The following SMYD3 variants were observed in gnomAD, a reference collection of about 807,000 sequenced individuals.
SMYD3 encodes the protein histone-lysine N-methyltransferase SMYD3.
A neutral mutation model predicts 57.7 loss-of-function variants in SMYD3; 36 were observed. The observed-to-expected ratio is 0.62, with a 90% CI of 0.48 to 0.82. The LOEUF is 0.82. SMYD3 is among the 40% of genes least tolerant of loss of function. The pLI, the probability that SMYD3 is intolerant of heterozygous loss-of-function variation, is 0.00. For missense variants in SMYD3, 515 were observed against 538.8 expected, an observed-to-expected ratio of 0.96 and a Z score of 0.44; for synonymous variants, 211 against 195.0, an observed-to-expected ratio of 1.08 and a Z score of -0.68.
intron 5 of SMYD3, among the ~76,000 whole-genome samples, chr1:246,021,347 C>CTTAGAGTTAATCTTCCTGTG (rs2059467832): frequency 6.6e-6 from 1 of 152,172 alleles, no homozygotes; most frequent in Non-Finnish European, 1.5e-5. Flanking sequence ...TGAAGAAAGA[C>CTTAGAGTTAATCTTCCTGTG]TTAGAGTTAA....
At chr1:246,442,913 TCAG>T (rs2067491656) in intron 1 of SMYD3, among the ~76,000 whole-genome samples, 1 of 152,150 alleles carries the variant, frequency 6.6e-6, no homozygotes, top group Non-Finnish European at 1.5e-5. Flanking sequence ...GCACTCCACC[TCAG>T]GGCATCTTAT....
intron 8 of SMYD3, among the ~76,000 whole-genome samples, chr1:245,895,717 G>A (rs1336528901): frequency 6.6e-6 from 1 of 152,138 alleles, no homozygotes; most frequent in Non-Finnish European, 1.5e-5. Flanking sequence ...CGGTTTACAG[G>A]GCATAGCCCA....
intron 5 of SMYD3, among the ~76,000 whole-genome samples, chr1:246,150,647 C>T (rs753136114): frequency 2.0e-5 from 3 of 152,192 alleles, no homozygotes; most frequent in Non-Finnish European, 4.4e-5. Context: ...TTCTCCTCTG[C>T]AGCTATGGAG....
At chr1:245,868,285 C>A (rs2051989315) in intron 8 of SMYD3, among the ~76,000 whole-genome samples, 1 of 152,204 alleles carries the variant, frequency 6.6e-6, no homozygotes, top group African/African-American at 2.4e-5. Context: ...CTGTCTGGCT[C>A]CAAAGCCCAT....
At chr1:246,030,447 G>A (rs2059650665) in intron 5 of SMYD3, among the ~76,000 whole-genome samples, 1 of 152,162 alleles carries the variant, frequency 6.6e-6, no homozygotes, top group Non-Finnish European at 1.5e-5. Context: ...GTTGTTTGAT[G>A]GATACAAAAT....
At chr1:245,912,058 G>T (rs2055031838) in intron 8 of SMYD3, among the ~76,000 whole-genome samples, 1 of 152,032 alleles carries the variant, frequency 6.6e-6, no homozygotes, top group East Asian at 1.9e-4. Context: ...TAACTTGGAA[G>T]AAATCACATT....
chr1:245,973,473 C>G (rs1268201127), intron 5 of SMYD3, among the ~76,000 whole-genome samples: 1 of 152,118 alleles, frequency 6.6e-6, no homozygotes. Flanking sequence ...TAGCCTCACC[C>G]TCAACTTTCA....
intron 11 of SMYD3, among the ~76,000 whole-genome samples, chr1:245,761,980 T>C (rs7513306): frequency 0.3 from 45,548 of 151,718 alleles, 7,670 homozygotes; most frequent in East Asian, 0.65. Context: ...AGACGGGATT[T>C]CACCATGTTG....
At chr1:245,814,772 G>T (rs2048693315) in intron 10 of SMYD3, among the ~76,000 whole-genome samples, 1 of 151,876 alleles carries the variant, frequency 6.6e-6, no homozygotes, top group South Asian at 2.1e-4. Context: ...TTGGCTTCCA[G>T]ATCCTCTCAA....
chr1:246,165,303 A>C (rs138486490), intron 5 of SMYD3, among the ~76,000 whole-genome samples: 15 of 152,340 alleles, frequency 9.8e-5, no homozygotes, highest in African/African-American at 3.4e-4. Flanking sequence ...AGATGATTCA[A>C]AGATAAGTAG....
chr1:246,163,980 A>C (rs1221504401), intron 5 of SMYD3, among the ~76,000 whole-genome samples: 1 of 152,180 alleles, frequency 6.6e-6, no homozygotes, highest in African/African-American at 2.4e-5. Flanking sequence ...AGGAATATTC[A>C]GGAGGGAAGG....
chr1:246,111,573 C>T (rs980256686), intron 5 of SMYD3: 5 of 152,216 alleles, frequency 3.3e-5, no homozygotes, highest in Non-Finnish European at 7.3e-5. Context: ...CTCAGGAAGA[C>T]TGGTTTCATT....
rs190948490 is a variant in SMYD3 at position 246,268,171 on chromosome 1, G to C, written c.531+59030C>G. 3.3e-5 allele frequency among the ~76,000 whole-genome samples: 5 copies of C among 152,276 alleles called. No individual in the cohort carries two copies. In the East Asian group the frequency reaches 7.7e-4, roughly 24 times the overall value. Reference sequence around the variant, plus strand: ...CATTCTAAGTCACAGCATGAGATGGGAGGTCGGCACAAGATAAAGGTCATA... The same window carrying C: ...CATTCTAAGTCACAGCATGAGATGGCAGGTCGGCACAAGATAAAGGTCATA... On this transcript the variant is annotated intron_variant, in intron 5 of 11. Coordinates refer to ENST00000490107, the MANE Select transcript of SMYD3 (RefSeq NM_001167740.2).
intron 5 of SMYD3, among the ~76,000 whole-genome samples, chr1:246,092,910 C>A (rs73139835): frequency 0.011 from 1,657 of 151,454 alleles, 33 homozygotes; most frequent in African/African-American, 0.038. Flanking sequence ...AGCAAAAAAA[C>A]CACCAAAAGC....
At chr1:246,158,406 C>T (rs2062057362) in intron 5 of SMYD3, among the ~76,000 whole-genome samples, 1 of 152,148 alleles carries the variant, frequency 6.6e-6, no homozygotes, top group South Asian at 2.1e-4. Context: ...TCTACTGAGA[C>T]AAAATGCAGT....
Position 246,185,838 on chromosome 1 carries a change from G to A in SMYD3, c.531+141363C>T, listed in dbSNP as rs111436426. Among the ~76,000 whole-genome samples the A allele has an allele frequency of 1.6e-3, 236 of 152,238 alleles. 1 individual carries two copies. Among genetic ancestry groups the A allele is most frequent in the African/African-American group, 5.4e-3 (224 of 41,532 alleles). ...TTATGTGCACACGTATGCTAAAAAT[G>A]CCAAAAAGAACTTACACAATTTTTA... On this transcript the variant is annotated intron_variant, in intron 5 of 11. Coordinates refer to ENST00000490107, the MANE Select transcript of SMYD3 (RefSeq NM_001167740.2).
At chr1:246,410,792 T>C (rs553458149) in intron 1 of SMYD3, among the ~76,000 whole-genome samples, 1 of 152,248 alleles carries the variant, frequency 6.6e-6, no homozygotes, top group East Asian at 1.9e-4. Context: ...TGTGAATCCA[T>C]CTGGTCCTGG....
intron 1 of SMYD3, among the ~76,000 whole-genome samples, chr1:246,491,801 G>C (rs1035258318): frequency 6.6e-6 from 1 of 152,308 alleles, no homozygotes; most frequent in Admixed American, 6.5e-5. Flanking sequence ...CCCTCACAGG[G>C]AGGCACTGGT....
chr1:246,311,049 T>C (rs993029861), intron 5 of SMYD3, among the ~76,000 whole-genome samples: 4 of 152,190 alleles, frequency 2.6e-5, no homozygotes, highest in Non-Finnish European at 4.4e-5. Flanking sequence ...GATCACACTC[T>C]ATAGAATGAT....
Sources: allele counts gnomAD v4.1 joint callset (sites outside exome capture counted in the v4.1 genomes callset), GRCh38; gene constraint gnomAD v4.1.1; transcripts MANE v1.5; gene names NCBI Gene and HGNC (gene_info 2026-07-23, HGNC 2026-07-21).